Variants in STAG1 observed in about 807,000 individuals in gnomAD.
STAG1 encodes the protein cohesin subunit SA-1.
Under a neutral mutation model 170.9 loss-of-function variants are expected in STAG1, and 26 were observed. That is an observed-to-expected ratio of 0.15 (90% CI 0.11 to 0.21). STAG1 has a LOEUF of 0.21. Among genes scored for constraint, STAG1 ranks in the 10% least tolerant of loss-of-function variants. The pLI, the probability that STAG1 is intolerant of heterozygous loss-of-function variation, is 1.00. For synonymous variants in STAG1, 514 were observed against 497.7 expected (o/e 1.03, Z -0.44); for missense variants, 964 against 1,509.5 (o/e 0.64, Z 5.99).
chr3:136,471,584 C>A (rs977263513), intron 12 of STAG1, among the ~76,000 whole-genome samples: 1 of 152,076 alleles, frequency 6.6e-6, no homozygotes, highest in African/African-American at 2.4e-5. Flanking sequence ...GATAGATGTA[C>A]CATCACAAAG....
chr3:136,684,991 AAAT>A (rs1288024227), intron 1 of STAG1, among the ~76,000 whole-genome samples: 20 of 152,158 alleles, frequency 1.3e-4, no homozygotes, highest in Admixed American at 1.1e-3. Context: ...TCAATGAAAG[AAAT>A]AATCAAAAAG....
intron 28 of STAG1, among the ~76,000 whole-genome samples, chr3:136,351,102 T>TA (rs1292773231): frequency 6.6e-6 from 1 of 152,100 alleles, no homozygotes; most frequent in African/African-American, 2.4e-5. Flanking sequence ...TGTTTTTAAC[T>TA]AAAAAACAAG....
intron 1 of STAG1, among the ~76,000 whole-genome samples, chr3:136,676,111 C>T (rs1036743163): frequency 6.6e-6 from 1 of 152,130 alleles, no homozygotes; most frequent in Non-Finnish European, 1.5e-5. Flanking sequence ...AGAAATGGTA[C>T]AGTAAAAATA....
intron 1 of STAG1, among the ~76,000 whole-genome samples, chr3:136,641,790 A>C (rs1940808472): frequency 6.6e-6 from 1 of 152,228 alleles, no homozygotes; most frequent in African/African-American, 2.4e-5. Flanking sequence ...GTATCATATC[A>C]GTGATTTCTT....
Position 136,343,730 on chromosome 3 carries a change from A to C in STAG1, c.3446+102T>G, listed in dbSNP as rs528795641. The stretch of plus-strand genomic sequence containing the variant: ...TACCCTCCGTTTGTGGCTTATCATG[A>C]ACTGACCAGCAATATGTTCTGATGA... On this transcript the variant is annotated intron_variant, in intron 30 of 33. Transcript: ENST00000383202. 1.2e-4 allele frequency: 112 copies of C among 918,216 alleles called. 1 individual carries two copies. In the South Asian group the frequency reaches 1.8e-3, roughly 15 times the overall value. 56.9% of individuals were successfully genotyped at this position (918,216 alleles called of 1,614,324 possible).
At chr3:136,672,020 G>C (rs1941994226) in intron 1 of STAG1, among the ~76,000 whole-genome samples, 1 of 152,210 alleles carries the variant, frequency 6.6e-6, no homozygotes, top group African/African-American at 2.4e-5. Flanking sequence ...AGTATGAACT[G>C]ACTCACATAA....
chr3:136,750,168 G>A (rs1263369079), intron 1 of STAG1, among the ~76,000 whole-genome samples: 1 of 152,136 alleles, frequency 6.6e-6, no homozygotes, highest in Non-Finnish European at 1.5e-5. Flanking sequence ...ATCACCGTAA[G>A]ATACTATCCC....
chr3:136,631,617 G>A (rs1467597293), intron 1 of STAG1, among the ~76,000 whole-genome samples: 1 of 152,204 alleles, frequency 6.6e-6, no homozygotes, highest in Non-Finnish European at 1.5e-5. Flanking sequence ...CTCTCGTGCA[G>A]GACGTTGATA....
chr3:136,691,279 C>CA (rs1408120703), intron 1 of STAG1, among the ~76,000 whole-genome samples: 2 of 151,878 alleles, frequency 1.3e-5, no homozygotes, highest in Non-Finnish European at 2.9e-5. Context: ...ACTAAAAATA[C>CA]AAAAAATTAG....
intron 1 of STAG1, among the ~76,000 whole-genome samples, chr3:136,657,222 A>G (rs1941416017): frequency 7.6e-6 from 1 of 131,924 alleles, no homozygotes; most frequent in Non-Finnish European, 1.6e-5. Flanking sequence ...TTTTTGAGAC[A>G]AAGTTTCACT....
chr3:136,370,442 G>T (rs879795357), intron 23 of STAG1, among the ~76,000 whole-genome samples: 1 of 152,116 alleles, frequency 6.6e-6, no homozygotes, highest in Non-Finnish European at 1.5e-5. Context: ...CATGTGCCAT[G>T]TTGGTGTGCT....
At chr3:136,528,942 A>G (rs113764606) in intron 6 of STAG1, among the ~76,000 whole-genome samples, 7 of 151,488 alleles carry the variant, frequency 4.6e-5, no homozygotes, top group African/African-American at 1.5e-4. Flanking sequence ...AAAGCAAAAA[A>G]CAAAACAAAA....
chr3:136,471,733 T>G (rs2089632828), intron 12 of STAG1, among the ~76,000 whole-genome samples: 1 of 152,180 alleles, frequency 6.6e-6, no homozygotes, highest in South Asian at 2.1e-4. Context: ...GTGAGACAAT[T>G]TAATTGCTTT....
At position 136,431,146 on chromosome 3, in the gene STAG1, C is replaced by A. The variant is rs182219215; in HGVS notation, c.1650+2410G>T. ...CTTGAACTCCTGACCTTAGGTAATC[C>A]ACCTGCCTTGGCCTCCCAAAGTGAC... On this transcript the variant is annotated intron_variant, in intron 16 of 33. Coordinates refer to ENST00000383202, the MANE Select transcript of STAG1 (RefSeq NM_005862.3). 4.9e-4 allele frequency among the ~76,000 whole-genome samples: 75 copies of A among 152,196 alleles called. 1 individual carries two copies. Among genetic ancestry groups the A allele is most frequent in the African/African-American group, 1.7e-3 (71 of 41,536 alleles).
chr3:136,422,156 A>G (rs1402622054), intron 19 of STAG1, among the ~76,000 whole-genome samples: 1 of 146,820 alleles, frequency 6.8e-6, no homozygotes, highest in African/African-American at 2.5e-5. Context: ...TCTGCCTCAA[A>G]AAAAAAAAAA....
At chr3:136,645,694 A>G (rs911488540) in intron 1 of STAG1, among the ~76,000 whole-genome samples, 1 of 152,228 alleles carries the variant, frequency 6.6e-6, no homozygotes, top group Non-Finnish European at 1.5e-5. Context: ...TCTGGAACAT[A>G]GCTGAAAACT....
intron 1 of STAG1, among the ~76,000 whole-genome samples, chr3:136,665,214 G>GA (rs1427323923): frequency 6.6e-6 from 1 of 152,188 alleles, no homozygotes; most frequent in East Asian, 1.9e-4. Context: ...CTTCTGAGCT[G>GA]AAAAGCTTGA....
intron 3 of STAG1, among the ~76,000 whole-genome samples, chr3:136,620,419 T>C (rs1467309694): frequency 1.3e-5 from 2 of 152,212 alleles, no homozygotes; most frequent in African/African-American, 4.8e-5. Context: ...AATTAACAGC[T>C]TGGCATTCTG....
intron 1 of STAG1, among the ~76,000 whole-genome samples, chr3:136,633,381 T>C (rs915089307): frequency 2.0e-5 from 3 of 151,996 alleles, no homozygotes; most frequent in Non-Finnish European, 4.4e-5. Flanking sequence ...CAGAAGGAAT[T>C]TGTCCCTAGA....
Sources: allele counts gnomAD v4.1 joint callset (sites outside exome capture counted in the v4.1 genomes callset), GRCh38; gene constraint gnomAD v4.1.1; transcripts MANE v1.5; gene names NCBI Gene and HGNC (gene_info 2026-07-23, HGNC 2026-07-21).